POLR3A: variants seen among roughly 807,000 people sequenced by gnomAD.
POLR3A encodes DNA-directed RNA polymerase III subunit RPC1.
A neutral mutation model predicts 152.8 loss-of-function variants in POLR3A; 112 were observed. That is an observed-to-expected ratio of 0.73 (90% CI 0.63 to 0.86). The LOEUF (loss-of-function observed/expected upper bound fraction) is 0.86, where lower values mean the gene tolerates loss of function less well. Among genes scored for constraint, POLR3A ranks in the 40% least tolerant of loss-of-function variants. The pLI, the probability that POLR3A is intolerant of heterozygous loss-of-function variation, is 0.00. For synonymous variants in POLR3A, 615 were observed against 652.1 expected (o/e 0.94, Z 0.87); for missense variants, 1,385 against 1,743.1 (o/e 0.79, Z 3.66).
At chr10:77,986,812 T>C (rs1434300239) in intron 21 of POLR3A, among the ~76,000 whole-genome samples, 2 of 152,128 alleles carry the variant, frequency 1.3e-5, no homozygotes, top group Non-Finnish European at 2.9e-5. Flanking sequence ...GAAGCATCAG[T>C]ATATGCTGCG....
intron 1 of POLR3A, among the ~76,000 whole-genome samples, chr10:78,027,688 TTACAGGCA>T (rs113466289): frequency 0.12 from 18,272 of 151,878 alleles, 3,544 homozygotes; most frequent in African/African-American, 0.41. Context: ...GTAGCTGGGG[TTACAGGCA>T]TACAGGCATG....
chr10:78,002,950 C>A (rs533322103), intron 16 of POLR3A, among the ~76,000 whole-genome samples: 1 of 152,280 alleles, frequency 6.6e-6, no homozygotes, highest in African/African-American at 2.4e-5. Context: ...CACACATGCA[C>A]CCCATACAAA....
At chr10:78,015,738 C>A (rs991051291) in intron 10 of POLR3A, among the ~76,000 whole-genome samples, 1 of 152,138 alleles carries the variant, frequency 6.6e-6, no homozygotes, top group Non-Finnish European at 1.5e-5. Context: ...CACACTGTAG[C>A]CTTGAACTCC....
rs1226909758 is a variant in POLR3A at position 78,019,197 on chromosome 10, T to C, written c.1254A>G (p.Ala418=). 1 of 1,614,012 alleles carries C rather than the reference T, an allele frequency of 6.2e-7. No homozygotes were observed. The highest frequency in any genetic ancestry group is 8.5e-7 in the Non-Finnish European group (1 of 1,179,900). The change falls in exon 9 of 31, where the codon GCA becomes GCG. Residue 418 remains alanine, a synonymous_variant. Coordinates refer to ENST00000372371, the MANE Select transcript of POLR3A (RefSeq NM_007055.4). ...GCGTATGTCTCTGCTGAATGAAGTT[T>C]GCTCCTGGGTGAACCTCAGGGCCGT... ...VQNGPEVHPG[A]NFIQQRHTQM...
chr10:78,007,088 T>A (rs1386458473), intron 15 of POLR3A, among the ~76,000 whole-genome samples: 1 of 151,308 alleles, frequency 6.6e-6, no homozygotes, highest in Non-Finnish European at 1.5e-5. Flanking sequence ...CAAAAAAAAA[T>A]CAAATACAAA....
At position 77,997,467 on chromosome 10, in the gene POLR3A, G is replaced by A. The variant is rs558001881; in HGVS notation, c.2616+2514C>T. Among the ~76,000 whole-genome samples the A allele has an allele frequency of 2.6e-3, 389 of 152,252 alleles. 1 individual carries two copies. The highest frequency in any genetic ancestry group is 4.1e-3 in the Admixed American group (62 of 15,292). On this transcript the variant is annotated intron_variant, in intron 19 of 30. Coordinates refer to ENST00000372371, the MANE Select transcript of POLR3A (RefSeq NM_007055.4). ...ATAAGCAACTTCAGCAAAGTCTCAG[G>A]ATACAAAATCAATGTGCAAAAATCA... is the stretch of plus-strand genomic sequence containing the variant.
chr10:77,996,400 T>C (rs2131939213), intron 19 of POLR3A, among the ~76,000 whole-genome samples: 1 of 151,862 alleles, frequency 6.6e-6, no homozygotes, highest in Middle Eastern at 3.4e-3. Flanking sequence ...ATCAACAAAA[T>C]TGACAGACCG....
At chr10:78,028,121 T>C (rs900549093) in intron 1 of POLR3A, among the ~76,000 whole-genome samples, 2 of 152,178 alleles carry the variant, frequency 1.3e-5, no homozygotes, top group Non-Finnish European at 1.5e-5. Flanking sequence ...CCTCTAATTC[T>C]TTCCACCATG....
intron 10 of POLR3A, among the ~76,000 whole-genome samples, chr10:78,016,410 T>TAAAAAAAAAAAA (rs548574588): frequency 6.5e-5 from 6 of 92,084 alleles, no homozygotes; most frequent in Admixed American, 3.6e-4. Context: ...CTCCACTTAT[T>TAAAAAAAAAAAA]AAAAAAAAAA....
At chr10:78,002,454 A>G (rs1393123372) in intron 16 of POLR3A, 146 bp from the exon 17 acceptor site, 1 of 701,496 alleles carries the variant, frequency 1.4e-6, no homozygotes, top group Admixed American at 2.1e-5. Flanking sequence ...ACCTTAGAGG[A>G]GCAAAATGCC....
intron 14 of POLR3A, among the ~76,000 whole-genome samples, chr10:78,008,289 A>G (rs1188707760): frequency 2.0e-5 from 3 of 152,244 alleles, no homozygotes; most frequent in African/African-American, 7.2e-5. Flanking sequence ...TGTACAGCCT[A>G]TACAACAACC....
chr10:77,985,241 A>G lies in POLR3A; in HGVS notation c.3171T>C (p.Gly1057=), dbSNP rs1338827257. Residue 1057 remains glycine, a synonymous_variant, in exon 24 of 31, where the codon GGT becomes GGC. Transcript: ENST00000372371. ...CCAGGGTGATGTTCATGGAGGCCAC[A>G]CCTGCAAAGTGGAAAGTCTTCAGGG... ...QMTLKTFHFA[G]VASMNITLGV... is the part of the protein sequence containing the mutation. 1 of 1,614,058 alleles carries G rather than the reference A, an allele frequency of 6.2e-7. No individual in the cohort carries two copies. Among genetic ancestry groups the G allele is most frequent in the African/African-American group, 1.3e-5 (1 of 74,948 alleles).
chr10:77,984,577 C>T (rs528480851), intron 24 of POLR3A, among the ~76,000 whole-genome samples: 3 of 152,290 alleles, frequency 2.0e-5, no homozygotes, highest in South Asian at 2.1e-4. Context: ...CTCCTGACCT[C>T]GTGATCTGCC....
chr10:78,000,901 A>T, intron 18 of POLR3A, 75 bp downstream of exon 18: 2 of 818,454 alleles, frequency 2.4e-6, no homozygotes, highest in South Asian at 2.7e-5. Context: ...CTTTGATCTG[A>T]ATAGGTCTGT....
intron 16 of POLR3A, among the ~76,000 whole-genome samples, chr10:78,003,541 T>C (rs985674099): frequency 6.6e-6 from 1 of 152,154 alleles, no homozygotes; most frequent in African/African-American, 2.4e-5. Context: ...TAGTTTCAAA[T>C]GAGGGGCAGC....
chr10:78,025,983 A>G (rs2131961812), intron 2 of POLR3A, 111 bp downstream of exon 2: 1 of 1,367,172 alleles, frequency 7.3e-7, no homozygotes, highest in East Asian at 2.3e-5. Flanking sequence ...TAATATGTGC[A>G]GGGGGGAATT....
chr10:78,001,837 T>A (rs1175900530), intron 17 of POLR3A, among the ~76,000 whole-genome samples: 1 of 151,206 alleles, frequency 6.6e-6, no homozygotes, highest in Non-Finnish European at 1.5e-5. Flanking sequence ...AGAGATGGGG[T>A]TTTGGCATAT....
chr10:77,979,352 C>T (rs965767087), intron 30 of POLR3A, among the ~76,000 whole-genome samples: 2 of 152,194 alleles, frequency 1.3e-5, no homozygotes, highest in African/African-American at 4.8e-5. Flanking sequence ...TGCCCCGGGG[C>T]AGGTTGCTGG....
chr10:78,003,652 G>A (rs1332516116), intron 16 of POLR3A, among the ~76,000 whole-genome samples: 2 of 152,158 alleles, frequency 1.3e-5, no homozygotes, highest in Non-Finnish European at 2.9e-5. Flanking sequence ...GCTGGGCACG[G>A]TGGCTCATGC....
Sources: gnomAD v4.1 joint callset for allele counts (sites outside exome capture counted in the v4.1 genomes callset) on GRCh38, gnomAD v4.1.1 for gene constraint, MANE v1.5 for transcripts, NCBI Gene and HGNC (gene_info 2026-07-23, HGNC 2026-07-21) for gene names.